The following LAMB4 variants were observed in gnomAD, a reference collection of about 807,000 sequenced individuals.
LAMB4 encodes the protein laminin subunit beta-4.
A neutral mutation model predicts 199.2 loss-of-function variants in LAMB4; 196 were observed. The observed-to-expected ratio is 0.98, with a 90% confidence interval of 0.88 to 1.11. The LOEUF is 1.11. Ranked by LOEUF, LAMB4 falls within the 50% of genes least tolerant of loss-of-function variation. LAMB4 has a pLI of 0.00. For synonymous variants in LAMB4, 744 were observed against 770.6 expected, an observed-to-expected ratio of 0.97 and a Z score of 0.57; for missense variants, 2,080 against 2,171.2, an observed-to-expected ratio of 0.96 and a Z score of 0.83.
chr7:108,055,767 C>T lies in LAMB4; in HGVS notation c.3620G>A (p.Arg1207Lys), dbSNP rs1349280309. ...TGCCTCACAGACAGGCAGGGTCTCT[C>T]TTTTATCTTCCATGTTAGCAGCCAG... ...MRLAANMEDKRETLPVCEADF... is the reference protein window; with the variant it reads ...MRLAANMEDKKETLPVCEADF... The change falls in exon 25 of 34, where the codon AGA becomes AAA. Residue 1207 changes from arginine (R) to lysine (K), a missense_variant. Physicochemically the swap from Arg to Lys is conservative, Grantham distance 26. Transcript: ENST00000388781. The T allele has an allele frequency of 6.2e-7, 1 of 1,614,086 alleles. No homozygotes were observed. The highest frequency in any genetic ancestry group is 2.2e-5 in the East Asian group (1 of 44,896).
At chr7:108,102,951 C>T in intron 10 of LAMB4, 93 bp downstream of exon 10, 1 of 1,093,342 alleles carries the variant, frequency 9.1e-7, no homozygotes, top group South Asian at 2.1e-5. Context: ...TTTGGAGATG[C>T]CGTTAAGCAG....
chr7:108,115,854 C>T (rs867503099), intron 3 of LAMB4, 150 bp downstream of exon 3: 104 of 810,566 alleles, frequency 1.3e-4, no homozygotes, highest in Middle Eastern at 5.9e-4. Flanking sequence ...ACCAACGCCC[C>T]GTGGATACTG....
In LAMB4 at chr7:108,103,158, C is replaced by T. The variant is rs375978404; in HGVS notation, c.1066G>A (p.Gly356Arg). Residue 356 changes from glycine (G) to arginine (R), a missense_variant, in exon 10 of 34, where the codon GGG (glycine) becomes AGG (arginine). Gly to Arg is a moderately radical substitution (Grantham distance 125). Coordinates refer to ENST00000388781, the MANE Select transcript of LAMB4 (RefSeq NM_007356.3). ...TGCTGGCAGTCTTCACACACGCCCCCGCTGAGGCCACCGCTTGCCAGGTAC... is the reference window on the plus strand; with the variant it reads ...TGCTGGCAGTCTTCACACACGCCCCTGCTGAGGCCACCGCTTGCCAGGTAC... ...TTYLASGGLS[G>R]GVCEDCQHNT... The T allele has an allele frequency of 2.5e-6, 4 of 1,609,794 alleles. No homozygotes were observed. Among genetic ancestry groups the T allele is most frequent in the East Asian group, 2.2e-5 (1 of 44,732 alleles).
In LAMB4 at chr7:108,066,539, G is replaced by T; in HGVS notation, c.2508C>A (p.Cys836Ter). Residue 836 changes from cysteine (C) to a stop codon, truncating the protein, a stop_gained, in exon 20 of 34, where the codon TGC becomes TGA. Transcript: ENST00000388781. LOFTEE classifies it high-confidence loss of function. ...GGCCAGACACCTCTCCATGGCAGGG[G>T]CACTGTCCTGTTACTTGGTCACATA... Reference protein sequence around the residue: ...DTVCDQVTGQCPCHGEVSGRR... With the variant: ...DTVCDQVTGQ 1 of 1,613,778 alleles carries T rather than the reference G, an allele frequency of 6.2e-7. No individual in the cohort carries two copies. Among genetic ancestry groups the T allele is most frequent in the Non-Finnish European group, 8.5e-7 (1 of 1,179,878 alleles).
chr7:108,037,285 TA>T, intron 30 of LAMB4, 102 bp downstream of exon 30: 1 of 877,036 alleles, frequency 1.1e-6, no homozygotes, highest in Non-Finnish European at 1.8e-6. Context: ...TATCAGAAGG[TA>T]ATTTCATTTG....
intron 23 of LAMB4, among the ~76,000 whole-genome samples, chr7:108,058,723 T>A (rs995200817): frequency 4.6e-5 from 7 of 152,162 alleles, no homozygotes; most frequent in Non-Finnish European, 8.8e-5. Context: ...TGGTGCAACC[T>A]CAGCTCACTG....
Position 108,096,487 on chromosome 7 carries a change from C to T in LAMB4, c.1361-1150G>A, listed in dbSNP as rs1012251394. ...ATACAAATATCCCTTCAAAGCTCTG[C>T]TTTCAATTATTTTGGGTATATATGC... On this transcript the variant is annotated intron_variant, in intron 11 of 33. Transcript: ENST00000388781. Among the ~76,000 whole-genome samples the T allele has an allele frequency of 4.6e-5, 7 of 152,088 alleles. No homozygotes were observed. In the East Asian group the frequency reaches 1.3e-3, roughly 29 times the overall value.
rs1415352212 is a variant in LAMB4 at position 108,105,885 on chromosome 7, T to C, written c.802A>G (p.Asn268Asp). The stretch of plus-strand genomic sequence containing the variant: ...GGGCGACATTCGCTAGCATGGCCAT[T>C]GCAAAAGCAGCTTCCCCGAACAATC... ...EMIVRGSCFC[N>D]GHASECRPMQ... The change falls in exon 8 of 34, where the codon AAT (asparagine) becomes GAT (aspartate). Residue 268 changes from asparagine (N) to aspartate (D), a missense_variant. Transcript: ENST00000388781. 5 of 1,614,248 alleles carry C rather than the reference T, an allele frequency of 3.1e-6. No homozygotes were observed. The highest frequency in any genetic ancestry group is 3.3e-5 in the Admixed American group (2 of 60,034).
At chr7:108,067,346 T>C (rs1255056135) in intron 19 of LAMB4, among the ~76,000 whole-genome samples, 1 of 152,226 alleles carries the variant, frequency 6.6e-6, no homozygotes, top group Non-Finnish European at 1.5e-5. Flanking sequence ...GGAAAGGAAA[T>C]TAACCTACCT....
chr7:108,014,868 G>A, the LAMB4 span, among the ~76,000 whole-genome samples: 18 of 152,166 alleles, frequency 1.2e-4, no homozygotes, highest in East Asian at 2.5e-3. Context: ...GACCACTGGC[G>A]TGAGCCACCA....
In LAMB4 at chr7:108,066,687, T is replaced by C. The variant is rs1045778356; in HGVS notation, c.2447-87A>G. The C allele has an allele frequency of 4.3e-4, 367 of 851,282 alleles. 1 individual carries two copies. Among genetic ancestry groups the C allele is most frequent in the Non-Finnish European group, 6.0e-4 (324 of 536,970 alleles). The allele number at this position is 851,282 out of a possible 1,614,324, so 52.7% of individuals were successfully genotyped here. A position where few individuals can be genotyped will look rare whatever the true frequency, so the allele number is the denominator to read the frequency against. On this transcript the variant is annotated intron_variant, in intron 19 of 33. Transcript: ENST00000388781. ...TTACAGTTCTGGTGTCTCATTTCCT[T>C]TCCCAATCCCAGTGAACTAAGCAAG...
chr7:108,116,553 T>C (rs2038415096), intron 2 of LAMB4, among the ~76,000 whole-genome samples: 2 of 152,182 alleles, frequency 1.3e-5, no homozygotes, highest in Non-Finnish European at 1.5e-5. Flanking sequence ...GTCCAAGAGA[T>C]GCTTCCATGA....
intron 4 of LAMB4, among the ~76,000 whole-genome samples, chr7:108,110,283 C>G (rs1198105449): frequency 6.6e-6 from 1 of 152,192 alleles, no homozygotes; most frequent in Non-Finnish European, 1.5e-5. Flanking sequence ...CCTATCTTGG[C>G]CTCCCAAAGT....
chr7:108,033,441 C>T (rs897045729), intron 31 of LAMB4, among the ~76,000 whole-genome samples: 1 of 152,136 alleles, frequency 6.6e-6, no homozygotes, highest in Non-Finnish European at 1.5e-5. Flanking sequence ...GAGACAGTCT[C>T]GCTCTGTTGC....
intron 12 of LAMB4, among the ~76,000 whole-genome samples, chr7:108,094,473 C>A (rs1040342668): frequency 1.2e-4 from 18 of 151,928 alleles, no homozygotes; most frequent in Non-Finnish European, 1.3e-4. Flanking sequence ...CTTAAAATAT[C>A]AGCACAAAAC....
chr7:108,025,275 T>G (rs933328274), intron 33 of LAMB4, among the ~76,000 whole-genome samples: 2 of 152,112 alleles, frequency 1.3e-5, no homozygotes, highest in African/African-American at 4.8e-5. Context: ...AAGGAAGATT[T>G]TGTCTAAATA....
intron 8 of LAMB4, among the ~76,000 whole-genome samples, chr7:108,104,840 CT>C (rs138912987): frequency 3.3e-5 from 5 of 151,070 alleles, no homozygotes; most frequent in South Asian, 2.1e-4. Context: ...AAATACAATA[CT>C]TTTTTTTTGG....
At chr7:108,055,396 A>G (rs527359615) in intron 25 of LAMB4, among the ~76,000 whole-genome samples, 13 of 152,244 alleles carry the variant, frequency 8.5e-5, no homozygotes, top group African/African-American at 2.9e-4. Flanking sequence ...CATGTTGGCC[A>G]GGCTGGTGTA....
At chr7:108,110,495 G>T (rs1264212127) in intron 4 of LAMB4, among the ~76,000 whole-genome samples, 2 of 152,166 alleles carry the variant, frequency 1.3e-5, no homozygotes, top group Non-Finnish European at 2.9e-5. Flanking sequence ...AGTGAATCGG[G>T]GTTCAGCCTA....
Sources: allele counts gnomAD v4.1 joint callset (sites outside exome capture counted in the v4.1 genomes callset), GRCh38; gene constraint gnomAD v4.1.1; transcripts MANE v1.5; gene names NCBI Gene and HGNC (gene_info 2026-07-23, HGNC 2026-07-21).